NECAB2: variants seen among roughly 807,000 people sequenced by gnomAD.
NECAB2 encodes the protein N-terminal EF-hand calcium-binding protein 2.
Under a neutral mutation model 51.9 loss-of-function variants are expected in NECAB2, and 68 were observed. The observed-to-expected ratio is 1.31, with a 90% CI of 1.08 to 1.60. NECAB2 has a LOEUF of 1.60. Ranked by LOEUF, NECAB2 falls within the 40% of genes most tolerant of loss-of-function variation. The probability of loss-of-function intolerance (pLI) is 0.00; values close to 1 mark genes in which losing one functional copy is unlikely to be tolerated. For synonymous variants in NECAB2, 329 were observed against 203.5 expected (o/e 1.62, Z -5.25); for missense variants, 854 against 490.3 (o/e 1.74, Z -7.00).
At chr16:83,984,054 G>A (rs926552923) in intron 5 of NECAB2, among the ~76,000 whole-genome samples, 2 of 147,032 alleles carry the variant, frequency 1.4e-5, no homozygotes, top group African/African-American at 5.0e-5. Context: ...GGAGTGCAGT[G>A]GCACAGTCCC....
intron 10 of NECAB2, among the ~76,000 whole-genome samples, chr16:83,999,687 T>G (rs542494034): frequency 6.6e-6 from 1 of 152,054 alleles, no homozygotes; most frequent in South Asian, 2.1e-4. Context: ...TAAAATGACG[T>G]GAGTGCGGGC....
chr16:83,990,594 C>A lies in NECAB2; in HGVS notation c.560C>A (p.Ala187Glu). Residue 187 changes from alanine to glutamate, a missense_variant, in exon 6 of 13, where the codon GCG becomes GAG. By Grantham distance (107) the Ala-to-Glu change is moderately radical. Coordinates refer to ENST00000305202, the MANE Select transcript of NECAB2 (RefSeq NM_019065.3). ...TCGCTGCTGAGCTCAGTGGAGAGTG[C>A]GGTGGAGGCCATCGAGGAACAGACC... is the stretch of plus-strand genomic sequence containing the variant. ...IQSLLSSVES[A>E]VEAIEEQTSQ... is the part of the protein sequence containing the mutation. The A allele has an allele frequency of 1.9e-6, 3 of 1,614,048 alleles. No individual in the cohort carries two copies. The African/African-American group carries it at 4.0e-5, about 22-fold the overall frequency.
intron 10 of NECAB2, among the ~76,000 whole-genome samples, chr16:83,998,858 C>G (rs528700353): frequency 1.1e-3 from 162 of 152,328 alleles, no homozygotes; most frequent in African/African-American, 3.4e-3. Flanking sequence ...CCTTCAAATT[C>G]CTGTTCATCC....
rs182188220 is a variant in NECAB2 at position 83,993,247 on chromosome 16, C to T, written c.597-1055C>T. The stretch of plus-strand genomic sequence containing the variant: ...CCCACCACCCGGGAGCCCTGAGCAA[C>T]CCGTCATGGTCTGAGGGATACATTT... On this transcript the variant is annotated intron_variant, in intron 6 of 12. Transcript: ENST00000305202. Among the ~76,000 whole-genome samples, 482 of 152,306 alleles carry T rather than the reference C, an allele frequency of 3.2e-3. 1 individual carries two copies. Among genetic ancestry groups the T allele is most frequent in the African/African-American group, 0.011 (443 of 41,544 alleles).
chr16:83,980,545 C>T (rs760957144), intron 3 of NECAB2, among the ~76,000 whole-genome samples: 1 of 152,148 alleles, frequency 6.6e-6, no homozygotes, highest in Non-Finnish European at 1.5e-5. Context: ...TCCCTTTACC[C>T]CTTTCCTGGC....
chr16:83,994,452 C>T (rs1226181034), intron 7 of NECAB2, 32 bp downstream of exon 7: 1 of 1,609,534 alleles, frequency 6.2e-7, no homozygotes. Flanking sequence ...GGTGGGGGTA[C>T]CAGCTGGGGG....
intron 8 of NECAB2, 28 bp from the exon 9 acceptor site, chr16:83,997,188 A>T: frequency 1.9e-6 from 3 of 1,613,998 alleles, no homozygotes; most frequent in Non-Finnish European, 2.5e-6. Flanking sequence ...CTCTGGGTCT[A>T]GCATCACTGT....
chr16:83,996,052 C>G (rs1043364382), intron 8 of NECAB2, among the ~76,000 whole-genome samples: 9 of 152,236 alleles, frequency 5.9e-5, no homozygotes, highest in African/African-American at 2.2e-4. Context: ...CCCGGGCGGT[C>G]AGCAGGGGCC....
At chr16:83,997,194 A>C in intron 8 of NECAB2, 22 bp from the exon 9 acceptor site, 1 of 1,613,936 alleles carries the variant, frequency 6.2e-7, no homozygotes, top group Non-Finnish European at 8.5e-7. Flanking sequence ...GTCTAGCATC[A>C]CTGTGTGCTG....
At position 83,972,000 on chromosome 16, in the gene NECAB2, C is replaced by A; in HGVS notation, c.202-151C>A. On this transcript the variant is annotated intron_variant, in intron 1 of 12. Transcript: ENST00000305202. ...CTCATCAGTTCCCCCTGGATCCCAG[C>A]CCGGGGAGGGGGAGAGGGAAGGGGG... is the stretch of plus-strand genomic sequence containing the variant. The A allele has an allele frequency of 4.8e-6, 5 of 1,032,708 alleles. No homozygotes were observed. The South Asian group carries it at 7.5e-5, about 15-fold the overall frequency. The allele number at this position is 1,032,708 out of a possible 1,614,324, so 64.0% of individuals were successfully genotyped here.
chr16:83,998,301 G>C lies in NECAB2; in HGVS notation c.946G>C (p.Val316Leu), dbSNP rs746473427. ...CCAGTATCTGCGGGGGACCACTGGC[G>C]TGAGGAACTGCTTCCAGTGAGTGAG... ...LRQYLRGTTGVRNCFHITAVR... is the reference protein window; with the variant it reads ...LRQYLRGTTGLRNCFHITAVR... The change falls in exon 10 of 13, where the codon GTG becomes CTG. Residue 316 changes from valine to leucine, a missense_variant. Physicochemically the swap from Val to Leu is conservative, Grantham distance 32. Coordinates refer to ENST00000305202, the MANE Select transcript of NECAB2 (RefSeq NM_019065.3). 9 of 1,613,452 alleles carry C rather than the reference G, an allele frequency of 5.6e-6. No individual in the cohort carries two copies. In the Admixed American group the frequency reaches 8.3e-5, roughly 15 times the overall value.
In NECAB2 at chr16:83,998,282, T is replaced by C. The variant is rs1395439968; in HGVS notation, c.927T>C (p.Tyr309=). The C allele has an allele frequency of 1.1e-5, 17 of 1,613,466 alleles. No homozygotes were observed. Among genetic ancestry groups the C allele is most frequent in the Non-Finnish European group, 1.4e-5 (17 of 1,180,022 alleles). Residue 309 remains tyrosine, a synonymous_variant, in exon 10 of 13, where the codon TAT becomes TAC. Coordinates refer to ENST00000305202, the MANE Select transcript of NECAB2 (RefSeq NM_019065.3). ...LSEFLDSLRQ[Y]LRGTTGVRNC... is the part of the protein sequence containing the mutation. Reference sequence around the variant, plus strand: ...AGTTTCTGGACTCTCTGCGCCAGTATCTGCGGGGGACCACTGGCGTGAGGA... The same window carrying C: ...AGTTTCTGGACTCTCTGCGCCAGTACCTGCGGGGGACCACTGGCGTGAGGA...
intron 1 of NECAB2, chr16:83,971,716 C>T (rs749359364): frequency 2.4e-5 from 5 of 205,724 alleles, no homozygotes; most frequent in Non-Finnish European, 4.8e-5. Flanking sequence ...TGCCCAACCT[C>T]CCTGGAAACA....
intron 1 of NECAB2, 125 bp from the exon 2 acceptor site, chr16:83,972,026 G>A (rs764839984): frequency 1.7e-4 from 225 of 1,309,538 alleles, no homozygotes; most frequent in Middle Eastern, 4.6e-4. Flanking sequence ...GGGAAGGGGG[G>A]CTCAGCTTCC....
At chr16:83,975,289 G>C (rs1419592961) in intron 2 of NECAB2, among the ~76,000 whole-genome samples, 2 of 143,124 alleles carry the variant, frequency 1.4e-5, no homozygotes, top group Non-Finnish European at 3.1e-5. Flanking sequence ...GATGGGAACA[G>C]GTGTGCAGGG....
chr16:83,988,614 C>G (rs1290600643), intron 5 of NECAB2, among the ~76,000 whole-genome samples: 1 of 152,126 alleles, frequency 6.6e-6, no homozygotes, highest in African/African-American at 2.4e-5. Context: ...ATATGAAGAA[C>G]TCTCTCTAAT....
chr16:83,998,684 A>G (rs537516852), intron 10 of NECAB2, among the ~76,000 whole-genome samples: 42 of 152,320 alleles, frequency 2.8e-4, no homozygotes, highest in African/African-American at 7.9e-4. Context: ...CTGCTGTCAC[A>G]GGGGTTCCTG....
intron 10 of NECAB2, among the ~76,000 whole-genome samples, chr16:83,998,701 T>G (rs1257504398): frequency 1.3e-5 from 2 of 152,178 alleles, no homozygotes; most frequent in Non-Finnish European, 2.9e-5. Context: ...CCTGCACACT[T>G]AAGTCCAGGC....
At chr16:84,001,691 A>T in intron 11 of NECAB2, 134 bp from the exon 12 acceptor site, 1 of 875,698 alleles carries the variant, frequency 1.1e-6, no homozygotes, top group Non-Finnish European at 1.8e-6. Context: ...CTTCCCACAA[A>T]GGCTCTGAGT....
Sources: gnomAD v4.1 joint callset for allele counts (sites outside exome capture counted in the v4.1 genomes callset) on GRCh38, gnomAD v4.1.1 for gene constraint, MANE v1.5 for transcripts, NCBI Gene and HGNC (gene_info 2026-07-23, HGNC 2026-07-21) for gene names.